GRIA4: variants seen among roughly 807,000 people sequenced by gnomAD.
The protein encoded by GRIA4 is glutamate ionotropic receptor AMPA type subunit 4.
GRIA4 carries 34 observed loss-of-function variants against 104.0 expected under a neutral mutation model. That is an observed-to-expected ratio of 0.33 (90% CI 0.25 to 0.44). The LOEUF (loss-of-function observed/expected upper bound fraction) is 0.44. Ranked by LOEUF, GRIA4 falls within the 20% of genes least tolerant of loss-of-function variation. The pLI, the probability that GRIA4 is intolerant of heterozygous loss-of-function variation, is 1.00. For missense variants in GRIA4, 750 were observed against 1,096.5 expected (o/e 0.68, Z 4.46); for synonymous variants, 386 against 381.9 (o/e 1.01, Z -0.13).
intron 3 of GRIA4, among the ~76,000 whole-genome samples, chr11:105,638,383 T>C (rs1036340094): frequency 1.3e-5 from 2 of 152,214 alleles, no homozygotes; most frequent in African/African-American, 4.8e-5. Context: ...GCAGCTACCC[T>C]GAACCTGCTG....
chr11:105,961,812 TA>T (rs1948751065), intron 14 of GRIA4, among the ~76,000 whole-genome samples: 1 of 152,208 alleles, frequency 6.6e-6, no homozygotes, highest in South Asian at 2.1e-4. Flanking sequence ...CTAACACAAT[TA>T]CACAGTAGTT....
At chr11:105,648,086 T>C (rs1201087642) in intron 3 of GRIA4, among the ~76,000 whole-genome samples, 3 of 152,036 alleles carry the variant, frequency 2.0e-5, no homozygotes, top group Non-Finnish European at 4.4e-5. Flanking sequence ...TCAAATTATA[T>C]ATAACTCACT....
chr11:105,777,590 AAAT>A (rs921170339), intron 4 of GRIA4, among the ~76,000 whole-genome samples: 29 of 152,292 alleles, frequency 1.9e-4, no homozygotes, highest in African/African-American at 7.0e-4. Flanking sequence ...ATGGTACCTA[AAAT>A]AATAGATTGT....
Position 105,611,014 on chromosome 11 carries a change from G to C in GRIA4, c.17G>C (p.Arg6Thr). 6.2e-7 allele frequency: 1 copy of C among 1,612,696 alleles called. No individual in the cohort carries two copies. The highest frequency in any genetic ancestry group is 8.5e-7 in the Non-Finnish European group (1 of 1,178,952). The change falls in exon 2 of 17, where the codon AGA (arginine) becomes ACA (threonine). Residue 6 changes from arginine to threonine, a missense_variant. Coordinates refer to ENST00000282499, the MANE Select transcript of GRIA4 (RefSeq NM_000829.4). MRIISRQIVLLFSGFW... is the reference protein window; with the variant it reads MRIISTQIVLLFSGFW... ...GAAAAGAAGATGAGGATTATTTCCA[G>C]ACAGATTGTCTTGTTATTTTCTGGA...
chr11:105,633,989 T>G (rs1951108767), intron 3 of GRIA4, among the ~76,000 whole-genome samples: 1 of 152,228 alleles, frequency 6.6e-6, no homozygotes, highest in South Asian at 2.1e-4. Flanking sequence ...TTCCTAAGTC[T>G]CAGTTTCCTG....
intron 3 of GRIA4, among the ~76,000 whole-genome samples, chr11:105,622,823 C>T (rs1950783708): frequency 6.6e-6 from 1 of 151,564 alleles, no homozygotes; most frequent in African/African-American, 2.4e-5. Context: ...AATTTATCAT[C>T]ATCCACCCTC....
Position 105,924,450 on chromosome 11 carries a change from G to A in GRIA4, c.1528G>A (p.Val510Ile), listed in dbSNP as rs750403609. ...PLTITLVREE[V>I]IDFSKPFMSL... ...GACAATCACTTTGGTACGAGAGGAGGTCATTGACTTTTCTAAGCCCTTCAT... is the reference window on the plus strand; with the variant it reads ...GACAATCACTTTGGTACGAGAGGAGATCATTGACTTTTCTAAGCCCTTCAT... Residue 510 changes from valine to isoleucine, a missense_variant, in exon 12 of 17, where the codon GTC (valine) becomes ATC (isoleucine). This residue lies in a region of GRIA4 where 272 missense variants were observed against 524.5 expected (regional missense o/e 0.52). Coordinates refer to ENST00000282499, the MANE Select transcript of GRIA4 (RefSeq NM_000829.4). 1 of 1,610,862 alleles carries A rather than the reference G, an allele frequency of 6.2e-7. No homozygotes were observed. Among genetic ancestry groups the A allele is most frequent in the South Asian group, 1.1e-5 (1 of 90,974 alleles).
chr11:105,691,521 A>C (rs1340164174), intron 3 of GRIA4, among the ~76,000 whole-genome samples: 1 of 152,198 alleles, frequency 6.6e-6, no homozygotes. Flanking sequence ...CTAAACAACT[A>C]TGCCTCAGTT....
chr11:105,857,993 T>C (rs969604195), intron 4 of GRIA4, among the ~76,000 whole-genome samples: 3 of 152,114 alleles, frequency 2.0e-5, no homozygotes, highest in African/African-American at 4.8e-5. Flanking sequence ...ATGTAATAAG[T>C]GTTGACATGT....
At chr11:105,934,024 C>T (rs2136212594) in intron 14 of GRIA4, 55 bp downstream of exon 14, 1 of 1,360,852 alleles carries the variant, frequency 7.3e-7, no homozygotes, top group Non-Finnish European at 1.0e-6. Context: ...TCCACCTTCC[C>T]TGATGTGCCT....
At chr11:105,649,821 G>C (rs931465665) in intron 3 of GRIA4, among the ~76,000 whole-genome samples, 35 of 151,954 alleles carry the variant, frequency 2.3e-4, no homozygotes, top group African/African-American at 7.5e-4. Flanking sequence ...AGGTAGATTT[G>C]AGCATTATTT....
intron 3 of GRIA4, among the ~76,000 whole-genome samples, chr11:105,647,624 C>G (rs117021135): frequency 1.3e-5 from 2 of 152,060 alleles, no homozygotes; most frequent in East Asian, 3.9e-4. Context: ...TAAGAAAGAA[C>G]GAGATCATGT....
At chr11:105,728,504 C>A (rs1047003983) in intron 3 of GRIA4, among the ~76,000 whole-genome samples, 7 of 152,134 alleles carry the variant, frequency 4.6e-5, no homozygotes, top group Admixed American at 2.0e-4. Context: ...CCAAGCAGAT[C>A]TAATAGACAT....
At chr11:105,715,591 T>C (rs760245042) in intron 3 of GRIA4, among the ~76,000 whole-genome samples, 3 of 152,256 alleles carry the variant, frequency 2.0e-5, no homozygotes, top group Non-Finnish European at 4.4e-5. Flanking sequence ...AGTTTTTAGA[T>C]AATAGAATAT....
chr11:105,956,380 T>C (rs1030200982), intron 14 of GRIA4, among the ~76,000 whole-genome samples: 1 of 152,132 alleles, frequency 6.6e-6, no homozygotes, highest in African/African-American at 2.4e-5. Context: ...GTCCTTGCAA[T>C]AGTTTGCCCA....
At chr11:105,641,493 G>A (rs1565426427) in intron 3 of GRIA4, among the ~76,000 whole-genome samples, 1 of 152,126 alleles carries the variant, frequency 6.6e-6, no homozygotes, top group Non-Finnish European at 1.5e-5. Flanking sequence ...TGGCAAGTAA[G>A]ACATCTCTGA....
rs770881664 is a variant in GRIA4, at chr11:105,979,727, G to A, written c.2697G>A (p.Ser899=). The A allele has an allele frequency of 5.6e-6, 9 of 1,612,772 alleles. No homozygotes were observed. Among genetic ancestry groups the A allele is most frequent in the Non-Finnish European group, 7.6e-6 (9 of 1,179,110 alleles). The part of the protein sequence containing the change: ...RQSSGLAVIA[S]DLP The stretch of plus-strand genomic sequence containing the variant: ...GTTCAGGATTGGCTGTCATTGCATC[G>A]GACCTACCATAAAAACCAAAAAAAT... The change falls in exon 17 of 17, where the codon TCG becomes TCA. Residue 899 remains serine (S), a synonymous_variant. Transcript: ENST00000282499.
intron 7 of GRIA4, among the ~76,000 whole-genome samples, chr11:105,903,405 G>A (rs944935520): frequency 6.6e-6 from 1 of 152,180 alleles, no homozygotes; most frequent in Non-Finnish European, 1.5e-5. Flanking sequence ...AGCAGGAAAA[G>A]ATTAAGAGGC....
intron 3 of GRIA4, among the ~76,000 whole-genome samples, chr11:105,703,998 T>C (rs762539485): frequency 3.8e-4 from 58 of 152,188 alleles, no homozygotes; most frequent in African/African-American, 1.4e-3. Context: ...TCTAGCATTA[T>C]ACAAATATCT....
Sources: allele counts gnomAD v4.1 joint callset (sites outside exome capture counted in the v4.1 genomes callset), GRCh38; gene constraint gnomAD v4.1.1; regional missense constraint gnomAD v4.1.1; transcripts MANE v1.5; gene names NCBI Gene and HGNC (gene_info 2026-07-23, HGNC 2026-07-21).